Variants in MAGI2 observed in about 807,000 individuals in gnomAD.
The protein encoded by MAGI2 is membrane associated guanylate kinase, WW and PDZ domain containing 2, also known as membrane-associated guanylate kinase, WW and PDZ domain-containing protein 2.
In MAGI2, 35 loss-of-function variants were observed where a neutral mutation model predicts 133.3. The ratio of observed to expected loss-of-function variants is 0.26; its 90% CI spans 0.20 to 0.35. The LOEUF (loss-of-function observed/expected upper bound fraction) is 0.35, where lower values mean the gene tolerates loss of function less well. Ranked by LOEUF, MAGI2 falls within the 10% of genes least tolerant of loss-of-function variation. The pLI, the probability that MAGI2 is intolerant of heterozygous loss-of-function variation, is 1.00. For synonymous variants in MAGI2, 729 were observed against 710.6 expected (o/e 1.03, Z -0.41); for missense variants, 1,636 against 1,863.4 (o/e 0.88, Z 2.25).
At position 78,888,977 on chromosome 7, in the gene MAGI2, T is replaced by C. The variant is rs186582635; in HGVS notation, c.418+118113A>G. ...ACCCATGACAAAGAAGTTAAAAACC[T>C]TGAAAAAAAATTAGATGAATGTCTA... On this transcript the variant is annotated intron_variant, in intron 2 of 21. Transcript: ENST00000354212. 4.1e-3 allele frequency among the ~76,000 whole-genome samples: 625 copies of C among 152,170 alleles called. 6 individuals are homozygous for C. Among genetic ancestry groups the C allele is most frequent in the African/African-American group, 0.015 (606 of 41,500 alleles).
At chr7:79,177,932 T>G (rs1040854712) in intron 1 of MAGI2, among the ~76,000 whole-genome samples, 1 of 152,062 alleles carries the variant, frequency 6.6e-6, no homozygotes. Flanking sequence ...TTATCAGTAC[T>G]TCAAGCTTAT....
chr7:78,839,604 G>A (rs1341216055), intron 2 of MAGI2, among the ~76,000 whole-genome samples: 1 of 152,028 alleles, frequency 6.6e-6, no homozygotes, highest in Non-Finnish European at 1.5e-5. Flanking sequence ...CTCTTCACAA[G>A]ATGGCAGGAG....
intron 3 of MAGI2, among the ~76,000 whole-genome samples, chr7:78,559,675 C>A (rs1431385747): frequency 6.6e-6 from 1 of 152,066 alleles, no homozygotes; most frequent in African/African-American, 2.4e-5. Flanking sequence ...CTATATTCTC[C>A]TCTACACTGA....
chr7:78,427,479 G>C (rs550761991), intron 6 of MAGI2, among the ~76,000 whole-genome samples: 3 of 152,180 alleles, frequency 2.0e-5, no homozygotes, highest in African/African-American at 7.2e-5. Flanking sequence ...TGCTACTAGA[G>C]ATAATGAGGA....
chr7:78,243,130 T>C (rs1791333681), intron 10 of MAGI2, among the ~76,000 whole-genome samples: 1 of 151,940 alleles, frequency 6.6e-6, no homozygotes, highest in Non-Finnish European at 1.5e-5. Context: ...GCTGCTTAAG[T>C]ATTTCTCCAA....
At chr7:79,152,960 C>T (rs1164905148) in intron 1 of MAGI2, among the ~76,000 whole-genome samples, 2 of 152,148 alleles carry the variant, frequency 1.3e-5, no homozygotes, top group African/African-American at 4.8e-5. Flanking sequence ...ATATTATGAA[C>T]TTCTTTATAT....
At chr7:78,389,625 C>A (rs934652685) in intron 6 of MAGI2, among the ~76,000 whole-genome samples, 1 of 152,072 alleles carries the variant, frequency 6.6e-6, no homozygotes, top group African/African-American at 2.4e-5. Flanking sequence ...GATATTAATA[C>A]CTTTGTTGTG....
intron 2 of MAGI2, among the ~76,000 whole-genome samples, chr7:78,972,150 A>T (rs958261793): frequency 6.6e-6 from 1 of 151,942 alleles, no homozygotes; most frequent in African/African-American, 2.4e-5. Context: ...TTCAGTCTGT[A>T]AGCAGGAATA....
At chr7:78,773,596 A>ATGT (rs1166135044) in intron 2 of MAGI2, among the ~76,000 whole-genome samples, 5 of 152,236 alleles carry the variant, frequency 3.3e-5, no homozygotes, top group African/African-American at 1.2e-4. Flanking sequence ...CATGTAATAG[A>ATGT]TGTTGGTACA....
intron 2 of MAGI2, among the ~76,000 whole-genome samples, chr7:78,699,577 A>T (rs778588351): frequency 8.5e-5 from 13 of 152,172 alleles, no homozygotes; most frequent in Non-Finnish European, 1.8e-4. Flanking sequence ...CCAAGATCTC[A>T]AATACTTCTA....
chr7:78,822,072 C>T (rs1337790951), intron 2 of MAGI2, among the ~76,000 whole-genome samples: 1 of 151,904 alleles, frequency 6.6e-6, no homozygotes. Flanking sequence ...CAGAACTGAC[C>T]ATATATTGAA....
chr7:78,532,723 A>G (rs189431375), intron 3 of MAGI2, among the ~76,000 whole-genome samples: 7 of 152,366 alleles, frequency 4.6e-5, no homozygotes, highest in African/African-American at 1.7e-4. Context: ...GTACTAACGC[A>G]TAAGTCAGAA....
intron 2 of MAGI2, among the ~76,000 whole-genome samples, chr7:78,812,586 A>ATGTGTG (rs10542588): frequency 0.017 from 2,577 of 149,416 alleles, 73 homozygotes; most frequent in African/African-American, 0.059. Context: ...ATATGTATGT[A>ATGTGTG]TGTGTGTGTG....
At chr7:78,073,325 T>C (rs1006709792) in intron 21 of MAGI2, among the ~76,000 whole-genome samples, 4 of 151,770 alleles carry the variant, frequency 2.6e-5, no homozygotes, top group Admixed American at 6.6e-5. Context: ...TCCCCCTTGG[T>C]GTGGGTATGT....
intron 2 of MAGI2, among the ~76,000 whole-genome samples, chr7:78,653,565 A>G (rs1025745858): frequency 2.0e-5 from 3 of 152,162 alleles, no homozygotes; most frequent in South Asian, 4.2e-4. Context: ...GTTCTCACTC[A>G]TAAGTGGGAG....
rs190427807 is a variant in MAGI2 at position 79,248,003 on chromosome 7, A to T, written c.301+205017T>A. Among the ~76,000 whole-genome samples the T allele has an allele frequency of 3.3e-5, 5 of 152,294 alleles. No individual in the cohort carries two copies. In the East Asian group the frequency reaches 9.6e-4, roughly 29 times the overall value. On this transcript the variant is annotated intron_variant, in intron 1 of 21. Transcript: ENST00000354212. The stretch of plus-strand genomic sequence containing the variant: ...AGGACACAAATAACAAAATGGCAGG[A>T]GTAAGTTCATACTTATTAATAATAA...
intron 1 of MAGI2, among the ~76,000 whole-genome samples, chr7:79,028,639 A>G (rs1352561911): frequency 2.6e-5 from 4 of 152,124 alleles, no homozygotes; most frequent in African/African-American, 9.7e-5. Context: ...TTTGCCTAAT[A>G]TAATTTTTAT....
At chr7:79,216,386 A>T (rs1004841049) in intron 1 of MAGI2, among the ~76,000 whole-genome samples, 2 of 151,910 alleles carry the variant, frequency 1.3e-5, no homozygotes, top group Non-Finnish European at 2.9e-5. Flanking sequence ...CCTGGATGCC[A>T]GACAAGGGCT....
intron 3 of MAGI2, among the ~76,000 whole-genome samples, chr7:78,536,482 C>T (rs1797942781): frequency 6.6e-6 from 1 of 152,054 alleles, no homozygotes; most frequent in African/African-American, 2.4e-5. Context: ...GCAAGGAGAA[C>T]CTGTTGGGTA....
Sources: gnomAD v4.1 joint callset for allele counts (sites outside exome capture counted in the v4.1 genomes callset) on GRCh38, gnomAD v4.1.1 for gene constraint, MANE v1.5 for transcripts, NCBI Gene and HGNC (gene_info 2026-07-23, HGNC 2026-07-21) for gene names.